PLXNA2: variants seen among roughly 807,000 people sequenced by gnomAD.
PLXNA2 encodes plexin A2.
A neutral mutation model predicts 193.5 loss-of-function variants in PLXNA2; 91 were observed. The observed-to-expected ratio is 0.47, with a 90% CI of 0.40 to 0.56. PLXNA2 has a LOEUF of 0.56. Ranked by LOEUF, PLXNA2 falls within the 20% of genes least tolerant of loss-of-function variation. The pLI, the probability that PLXNA2 is intolerant of heterozygous loss-of-function variation, is 0.00. For missense variants in PLXNA2, 1,995 were observed against 2,503.2 expected (o/e 0.80, Z 4.33); for synonymous variants, 997 against 1,027.3 (o/e 0.97, Z 0.56).
intron 3 of PLXNA2, among the ~76,000 whole-genome samples, chr1:208,185,696 C>CAAAAAAAAAAAAAAAAAA (rs56384277): frequency 3.5e-5 from 2 of 57,224 alleles, no homozygotes; most frequent in Non-Finnish European, 3.0e-5. Flanking sequence ...TCTCTGAAAG[C>CAAAAAAAAAAAAAAAAAA]AAAAAAAAAA....
At chr1:208,142,565 A>AC in intron 3 of PLXNA2, 102 bp from the exon 4 acceptor site, 2 of 1,129,430 alleles carry the variant, frequency 1.8e-6, no homozygotes, top group South Asian at 3.7e-5. Context: ...ACCATTGCTA[A>AC]CCCCCAGTCA....
chr1:208,221,714 T>C (rs886429361), intron 1 of PLXNA2, among the ~76,000 whole-genome samples: 1 of 152,120 alleles, frequency 6.6e-6, no homozygotes, highest in African/African-American at 2.4e-5. Flanking sequence ...AAGTGGCTGT[T>C]CCAAGCAGAG....
At chr1:208,125,210 G>C (rs1185050562) in intron 4 of PLXNA2, among the ~76,000 whole-genome samples, 1 of 152,140 alleles carries the variant, frequency 6.6e-6, no homozygotes, top group Non-Finnish European at 1.5e-5. Context: ...CATTAAATCC[G>C]GGAGGTGAGG....
chr1:208,242,555 T>C (rs1273568058), intron 1 of PLXNA2, among the ~76,000 whole-genome samples: 2 of 152,206 alleles, frequency 1.3e-5, no homozygotes. Context: ...ACTGTCACTC[T>C]AAGATTCCTA....
intron 1 of PLXNA2, among the ~76,000 whole-genome samples, chr1:208,231,101 A>C (rs902400292): frequency 6.6e-5 from 10 of 152,166 alleles, no homozygotes; most frequent in African/African-American, 2.4e-4. Flanking sequence ...CTATCAGCCC[A>C]GCCCCGGACC....
intron 13 of PLXNA2, among the ~76,000 whole-genome samples, chr1:208,059,451 G>C (rs530471563): frequency 6.6e-6 from 1 of 152,302 alleles, no homozygotes; most frequent in Non-Finnish European, 1.5e-5. Flanking sequence ...CTCAGAGTCT[G>C]GGAATTCACC....
At chr1:208,203,899 G>A (rs1670632617) in intron 3 of PLXNA2, among the ~76,000 whole-genome samples, 1 of 152,230 alleles carries the variant, frequency 6.6e-6, no homozygotes, top group Non-Finnish European at 1.5e-5. Flanking sequence ...CCAGGGCTGA[G>A]GAGAGTTAAT....
At chr1:208,035,240 G>A (rs542461259) in intron 26 of PLXNA2, among the ~76,000 whole-genome samples, 55 of 152,242 alleles carry the variant, frequency 3.6e-4, no homozygotes, top group African/African-American at 1.0e-3. Flanking sequence ...ATTCATACAT[G>A]GTAGAGCCAA....
At chr1:208,093,912 T>C (rs1357989336) in intron 8 of PLXNA2, among the ~76,000 whole-genome samples, 2 of 152,176 alleles carry the variant, frequency 1.3e-5, no homozygotes, top group Non-Finnish European at 2.9e-5. Flanking sequence ...TAGGCCAACC[T>C]GGAATGGACA....
intron 4 of PLXNA2, among the ~76,000 whole-genome samples, chr1:208,113,061 G>A (rs570203747): frequency 4.7e-4 from 70 of 148,880 alleles, no homozygotes; most frequent in Non-Finnish European, 9.5e-4. Flanking sequence ...CATGACAACA[G>A]TGGATTTATT....
intron 3 of PLXNA2, among the ~76,000 whole-genome samples, chr1:208,175,019 G>A (rs950888318): frequency 3.3e-5 from 5 of 152,154 alleles, no homozygotes; most frequent in African/African-American, 9.7e-5. Flanking sequence ...GGGACAGGTG[G>A]GAGCCAGCTG....
chr1:208,045,178 C>T lies in PLXNA2; in HGVS notation c.3528G>A (p.Gly1176=), dbSNP rs1665018463. The part of the protein sequence containing the change: ...GKNLCPPASG[G]AKLNYTVLIG... ...TGAGCACAGTGTAGTTGAGTTTGGC[C>T]CCTCCAGAGGCAGGAGGGCAGAGGT... is the stretch of plus-strand genomic sequence containing the variant. The change falls in exon 19 of 32, where the codon GGG becomes GGA. Residue 1176 remains glycine, a synonymous_variant. Transcript: ENST00000367033. The T allele has an allele frequency of 2.5e-6, 4 of 1,614,068 alleles. No homozygotes were observed. The highest frequency in any genetic ancestry group is 3.4e-6 in the Non-Finnish European group (4 of 1,179,998).
intron 12 of PLXNA2, among the ~76,000 whole-genome samples, chr1:208,068,227 T>C (rs1665859650): frequency 6.6e-6 from 1 of 152,218 alleles, no homozygotes; most frequent in Admixed American, 6.5e-5. Flanking sequence ...TAAAAGGAAA[T>C]GCTGGTCTCA....
chr1:208,187,001 G>A (rs193121979), intron 3 of PLXNA2, among the ~76,000 whole-genome samples: 7 of 152,198 alleles, frequency 4.6e-5, no homozygotes, highest in African/African-American at 1.7e-4. Context: ...GATTACAGGC[G>A]TGAGCCACCG....
In PLXNA2 at chr1:208,082,978, T is replaced by C. The variant is rs750609496; in HGVS notation, c.2299-470A>G. Among the ~76,000 whole-genome samples the C allele has an allele frequency of 6.6e-6, 1 of 152,144 alleles. No homozygotes were observed. The highest frequency in any genetic ancestry group is 1.5e-5 in the Non-Finnish European group (1 of 68,024). ...CACTTTCTGTCTTGCACTGGCACTT[T>C]CCAGGATCTGCTGTGCCTCTTTTCA... On this transcript the variant is annotated intron_variant, in intron 10 of 31. Transcript: ENST00000367033. This position sits in a 1 kb window ranked among gnomAD's most constrained non-coding sequence, Gnocchi z 4.2.
At chr1:208,098,458 T>TCTCTCACACA (rs368366958) in intron 6 of PLXNA2, among the ~76,000 whole-genome samples, 4 of 123,522 alleles carry the variant, frequency 3.2e-5, no homozygotes, top group African/African-American at 1.3e-4. Flanking sequence ...TCTCTCTCTC[T>TCTCTCACACA]CACACACACA....
rs1664254437 is a variant in PLXNA2 at position 208,023,692 on chromosome 1, GGGA to G, written c.*3548_*3550del. The stretch of plus-strand genomic sequence containing the variant: ...CAAAACTGGTACCCTGTGCCACTAG[GGGA>G]GGAGAACTGTTGCCTGCTAAGTTGG... On this transcript the variant is annotated 3_prime_UTR_variant, in exon 32 of 32. Transcript: ENST00000367033. 1 of 152,368 alleles carries G rather than the reference GGGA, an allele frequency of 6.6e-6. No individual in the cohort carries two copies. Among genetic ancestry groups the G allele is most frequent in the South Asian group, 2.1e-4 (1 of 4,838 alleles). 9.4% of individuals were successfully genotyped at this position (152,368 alleles called of 1,614,324 possible).
intron 15 of PLXNA2, among the ~76,000 whole-genome samples, chr1:208,051,992 T>G (rs1398918406): frequency 6.6e-6 from 1 of 152,188 alleles, no homozygotes; most frequent in Non-Finnish European, 1.5e-5. Context: ...ACTGAGGCTA[T>G]GCAATCTCCG....
At chr1:208,199,571 A>G (rs961838660) in intron 3 of PLXNA2, among the ~76,000 whole-genome samples, 3 of 152,074 alleles carry the variant, frequency 2.0e-5, no homozygotes, top group Non-Finnish European at 4.4e-5. Context: ...TGAGCCTGTA[A>G]TCCCAGCTAC....
Sources: gnomAD v4.1 joint callset for allele counts (sites outside exome capture counted in the v4.1 genomes callset) on GRCh38, gnomAD v4.1.1 for gene constraint, Gnocchi (gnomAD v3.1) non-coding constraint, MANE v1.5 for transcripts, NCBI Gene and HGNC (gene_info 2026-07-23, HGNC 2026-07-21) for gene names.